SLC39A12: variants seen among roughly 807,000 people sequenced by gnomAD.
SLC39A12 encodes solute carrier family 39 member 12.
SLC39A12 carries 63 observed loss-of-function variants against 71.1 expected under a neutral mutation model. That is an observed-to-expected ratio of 0.89 (90% CI 0.72 to 1.09). The LOEUF is 1.09. Among genes scored for constraint, SLC39A12 ranks in the 50% least tolerant of loss-of-function variants. The pLI, the probability that SLC39A12 is intolerant of heterozygous loss-of-function variation, is 0.00. For missense variants in SLC39A12, 892 were observed against 812.6 expected, an observed-to-expected ratio of 1.10 and a Z score of -1.19; for synonymous variants, 351 against 301.3, an observed-to-expected ratio of 1.16 and a Z score of -1.71.
intron 9 of SLC39A12, 83 bp from the exon 10 acceptor site, chr10:17,995,573 A>C (rs1365868970): frequency 7.8e-7 from 1 of 1,284,524 alleles, no homozygotes; most frequent in African/African-American, 1.5e-5. Flanking sequence ...TTAAAAACCC[A>C]TGTAACTCTC....
Position 17,991,208 on chromosome 10 carries a change from G to C in SLC39A12, c.1327G>C (p.Gly443Arg), listed in dbSNP as rs770036320. 68 of 1,594,816 alleles carry C rather than the reference G, an allele frequency of 4.3e-5. No individual in the cohort carries two copies. Among genetic ancestry groups the C allele is most frequent in the Middle Eastern group, 3.3e-4 (2 of 6,024 alleles). The change falls in exon 8 of 13, where the codon GGT becomes CGT. Residue 443 changes from glycine to arginine, a missense_variant. Physicochemically the swap from Gly to Arg is moderately radical, Grantham distance 125 (BLOSUM62 -2). Coordinates refer to ENST00000377369, the MANE Select transcript of SLC39A12 (RefSeq NM_001145195.2). ...PEFGHFHESK[G>R]HIWKLMGLIG... ...ATTTGGGCATTTCCATGAAAGCAAA[G>C]GTCATATTTGGAAACTGATGGGATT...
At chr10:17,981,742 G>T (rs1835265485) in intron 6 of SLC39A12, among the ~76,000 whole-genome samples, 1 of 152,166 alleles carries the variant, frequency 6.6e-6, no homozygotes, top group South Asian at 2.1e-4. Flanking sequence ...TCAAACCCAG[G>T]CAAGCTGGCC....
In SLC39A12 at chr10:18,041,457, C is replaced by T. The variant is rs555303766; in HGVS notation, c.1948-1248C>T. Among the ~76,000 whole-genome samples, 11 of 150,592 alleles carry T rather than the reference C, an allele frequency of 7.3e-5. No individual in the cohort carries two copies. In the East Asian group the frequency reaches 2.0e-3, roughly 27 times the overall value. On this transcript the variant is annotated intron_variant, in intron 12 of 12. Coordinates refer to ENST00000377369, the MANE Select transcript of SLC39A12 (RefSeq NM_001145195.2). Reference sequence around the variant, plus strand: ...ATTGCAGTAAGCTGAGATCCCACCACTGCACTCCAGCCTGGGTGACAGAGT... The same window carrying T: ...ATTGCAGTAAGCTGAGATCCCACCATTGCACTCCAGCCTGGGTGACAGAGT...
chr10:18,022,925 T>G (rs1389163943), intron 12 of SLC39A12, among the ~76,000 whole-genome samples: 1 of 152,166 alleles, frequency 6.6e-6, no homozygotes. Context: ...GTGTTGAAAT[T>G]TGGGCTCTAA....
At chr10:17,954,801 C>T (rs1554847586) in intron 2 of SLC39A12, among the ~76,000 whole-genome samples, 1 of 151,812 alleles carries the variant, frequency 6.6e-6, no homozygotes, top group African/African-American at 2.4e-5. Context: ...TTTTGGCAGA[C>T]TTTCTCAATC....
intron 12 of SLC39A12, chr10:18,005,781 T>C (rs1216392354): frequency 6.6e-6 from 1 of 152,076 alleles, no homozygotes. Flanking sequence ...AGATTCCAGC[T>C]GGCATAAATC....
At chr10:18,022,450 T>C (rs1836559183) in intron 12 of SLC39A12, among the ~76,000 whole-genome samples, 1 of 152,208 alleles carries the variant, frequency 6.6e-6, no homozygotes, top group Non-Finnish European at 1.5e-5. Context: ...TGTTATGAAA[T>C]TTATATAGTG....
At chr10:18,027,731 C>T (rs1305068444) in intron 12 of SLC39A12, among the ~76,000 whole-genome samples, 1 of 152,222 alleles carries the variant, frequency 6.6e-6, no homozygotes, top group Non-Finnish European at 1.5e-5. Context: ...GTATACCTTT[C>T]TCTGATGCAT....
intron 6 of SLC39A12, among the ~76,000 whole-genome samples, chr10:17,987,100 G>A (rs903506094): frequency 2.0e-5 from 3 of 152,092 alleles, no homozygotes; most frequent in Non-Finnish European, 4.4e-5. Flanking sequence ...AGGCTGAGAC[G>A]AGTGGATTGC....
rs574848691 is a variant in SLC39A12, at chr10:17,965,508, A to G, written c.569A>G (p.Lys190Arg). The change falls in exon 4 of 13, where the codon AAA becomes AGA. Residue 190 changes from lysine (K) to arginine (R), a missense_variant. Physicochemically the swap from Lys to Arg is conservative, Grantham distance 26. Transcript: ENST00000377369. ...TGTATGGAAACCAAAACGCTGCAGA[A>G]AAAATCTGGAATAGTGAGCAGTGAA... ...SQCMETKTLQ[K>R]KSGIVSSEGA... 78 of 1,614,184 alleles carry G rather than the reference A, an allele frequency of 4.8e-5. No homozygotes were observed. The South Asian group carries it at 8.2e-4, about 17-fold the overall frequency.
At chr10:17,968,704 A>C (rs908700747) in intron 4 of SLC39A12, among the ~76,000 whole-genome samples, 4 of 152,220 alleles carry the variant, frequency 2.6e-5, no homozygotes, top group African/African-American at 9.6e-5. Context: ...GGGTACATAA[A>C]ATGTTTTGCT....
chr10:18,032,884 T>C (rs201328217), intron 12 of SLC39A12, among the ~76,000 whole-genome samples: 10,749 of 122,018 alleles, frequency 0.088, 892 homozygotes, highest in African/African-American at 0.23. Flanking sequence ...TGTCAAAGGC[T>C]TTTTCTGCAT....
intron 4 of SLC39A12, among the ~76,000 whole-genome samples, chr10:17,974,853 C>A (rs1835069522): frequency 6.6e-6 from 1 of 152,190 alleles, no homozygotes; most frequent in Non-Finnish European, 1.5e-5. Context: ...TTCAGGGTGA[C>A]AAGTTACCCC....
intron 12 of SLC39A12, chr10:18,009,676 C>A (rs948076161): frequency 6.6e-5 from 10 of 152,242 alleles, no homozygotes; most frequent in African/African-American, 2.4e-4. Context: ...TATCTTCCCT[C>A]TTGTGAGAAG....
At chr10:17,954,690 A>G (rs574673917) in intron 2 of SLC39A12, among the ~76,000 whole-genome samples, 149 of 152,326 alleles carry the variant, frequency 9.8e-4, no homozygotes, top group African/African-American at 3.4e-3. Flanking sequence ...CCACCATCCC[A>G]TTCCTGACCC....
intron 6 of SLC39A12, among the ~76,000 whole-genome samples, chr10:17,984,840 C>T (rs1350136033): frequency 2.6e-5 from 4 of 152,214 alleles, no homozygotes; most frequent in African/African-American, 9.6e-5. Flanking sequence ...CTCTTCATTT[C>T]ACCTTGCTTG....
rs138923497 is a variant in SLC39A12, at chr10:18,000,757, C to T, written c.1691C>T (p.Ser564Leu). ...GGCCTAGCCATAGGAGCAGCCTTCT[C>T]ATCATCATCCGAGTCAGGAGTGACC... ...ADGLAIGAAF[S>L]SSSESGVTTT... The change falls in exon 11 of 13, where the codon TCA (serine) becomes TTA (leucine). Residue 564 changes from serine to leucine, a missense_variant. Physicochemically the swap from Ser to Leu is moderately radical, Grantham distance 145 (BLOSUM62 -2). Coordinates refer to ENST00000377369, the MANE Select transcript of SLC39A12 (RefSeq NM_001145195.2). 9 of 1,614,064 alleles carry T rather than the reference C, an allele frequency of 5.6e-6. No individual in the cohort carries two copies. Among genetic ancestry groups the T allele is most frequent in the Admixed American group, 1.7e-5 (1 of 60,006 alleles).
chr10:17,978,629 C>A (rs1835176790), intron 5 of SLC39A12, among the ~76,000 whole-genome samples: 1 of 152,112 alleles, frequency 6.6e-6, no homozygotes, highest in Non-Finnish European at 1.5e-5. Context: ...TTCATGGAGA[C>A]CTTATTTGAA....
intron 12 of SLC39A12, among the ~76,000 whole-genome samples, chr10:18,037,420 A>G (rs1386894062): frequency 2.0e-5 from 3 of 152,160 alleles, no homozygotes; most frequent in Admixed American, 1.3e-4. Flanking sequence ...TCAGATAGAG[A>G]ATTGATCTTT....
Sources: gnomAD v4.1 joint callset for allele counts (sites outside exome capture counted in the v4.1 genomes callset) on GRCh38, gnomAD v4.1.1 for gene constraint, MANE v1.5 for transcripts, NCBI Gene and HGNC (gene_info 2026-07-23, HGNC 2026-07-21) for gene names.